Variants in TFR2 observed in about 807,000 individuals in gnomAD.
TFR2 encodes the protein transferrin receptor protein 2.
Under a neutral mutation model 91.9 loss-of-function variants are expected in TFR2, and 64 were observed. The observed-to-expected ratio is 0.70, with a 90% CI of 0.57 to 0.86. The LOEUF is 0.86. Among genes scored for constraint, TFR2 ranks in the 40% least tolerant of loss-of-function variants. The pLI, the probability that TFR2 is intolerant of heterozygous loss-of-function variation, is 0.00. For missense variants in TFR2, 950 were observed against 1,080.5 expected, an observed-to-expected ratio of 0.88 and a Z score of 1.69; for synonymous variants, 454 against 459.6, an observed-to-expected ratio of 0.99 and a Z score of 0.15.
At chr7:100,637,036 TAGG>T (rs1349725490) in intron 3 of TFR2, among the ~76,000 whole-genome samples, 3 of 151,844 alleles carry the variant, frequency 2.0e-5, no homozygotes. Context: ...GAGGCCAAGG[TAGG>T]AGGATTGCTT....
chr7:100,632,557 T>G (rs561709182), intron 6 of TFR2, among the ~76,000 whole-genome samples: 1 of 145,282 alleles, frequency 6.9e-6, no homozygotes, highest in Admixed American at 6.8e-5. Flanking sequence ...CTCTCTTTTT[T>G]TTTTTTTTCT....
chr7:100,632,037 G>T, intron 7 of TFR2, 45 bp downstream of exon 7: 1 of 1,613,990 alleles, frequency 6.2e-7, no homozygotes, highest in Non-Finnish European at 8.5e-7. Context: ...AAGAAGGTGT[G>T]GCCTCGGGAC....
chr7:100,627,115 G>A, intron 16 of TFR2, 149 bp downstream of exon 16: 2 of 1,217,444 alleles, frequency 1.6e-6, no homozygotes, highest in Non-Finnish European at 2.3e-6. Context: ...CACATGCTGG[G>A]GGCTGGGAGA....
intron 17 of TFR2, among the ~76,000 whole-genome samples, chr7:100,623,035 G>A (rs1339994523): frequency 6.6e-6 from 1 of 151,974 alleles, no homozygotes. Context: ...AGCACTTTGG[G>A]AGGCCAAGGT....
intron 8 of TFR2, 183 bp downstream of exon 8, chr7:100,631,623 C>CA (rs368447138): frequency 0.14 from 80,856 of 580,250 alleles, 316 homozygotes; most frequent in Middle Eastern, 0.18. Flanking sequence ...GACTCCATCT[C>CA]AAAAAAAAAA....
At chr7:100,628,190 A>G in intron 11 of TFR2, 34 bp downstream of exon 11, 3 of 1,203,454 alleles carry the variant, frequency 2.5e-6, no homozygotes, top group Middle Eastern at 4.1e-4. Context: ...ACCTCTCCCC[A>G]ATGCCTAACG....
At position 100,629,307 on chromosome 7, in the gene TFR2, C is replaced by T. The variant is rs761420974; in HGVS notation, c.1336G>A (p.Gly446Arg). Residue 446 changes from glycine to arginine, a missense_variant, in exon 10 of 18, where the codon GGG (glycine) becomes AGG (arginine). Physicochemically the swap from Gly to Arg is moderately radical, Grantham distance 125 (BLOSUM62 -2). Transcript: ENST00000223051. ...WGPGAAKSAV[G>R]TAILLELVRT... The stretch of plus-strand genomic sequence containing the variant: ...ACCAGCTCCAGGAGTATAGCCGTCC[C>T]CACAGCGGATTTAGCTGCTCCTGGG... 1.9e-6 allele frequency: 3 copies of T among 1,614,042 alleles called. No individual in the cohort carries two copies.
At chr7:100,634,573 G>C (rs890978707) in intron 3 of TFR2, among the ~76,000 whole-genome samples, 1 of 152,190 alleles carries the variant, frequency 6.6e-6, no homozygotes, top group East Asian at 1.9e-4. Context: ...CACATCAAAA[G>C]CGTGAGATAA....
In TFR2 at chr7:100,632,999, A is replaced by G. The variant is rs2131320006; in HGVS notation, c.849+2T>C. On this transcript the variant is annotated splice_donor_variant, in intron 6 of 17. Transcript: ENST00000223051. LOFTEE classifies it high-confidence loss of function. ...GCCCTCCCTCTGTCCAGGGACACTT[A>G]CCTTCTGGGCGAAGCTGATCACCCC... is the stretch of plus-strand genomic sequence containing the variant. The G allele has an allele frequency of 6.2e-7, 1 of 1,613,240 alleles. No individual in the cohort carries two copies. Among genetic ancestry groups the G allele is most frequent in the Non-Finnish European group, 8.5e-7 (1 of 1,179,870 alleles).
At position 100,620,997 on chromosome 7, in the gene TFR2, A is replaced by T; in HGVS notation, c.2266T>A (p.Ser756Thr). ...GAGGAGGTGGCCCCGGGGGTCCCGG[A>T]GCTGTTGGAGCGCAGCAGCCGCAGG... is the stretch of plus-strand genomic sequence containing the variant. ...DHLRLLRSNS[S>T]GTPGATSSTG... The change falls in exon 18 of 18, where the codon TCC (serine) becomes ACC (threonine). Residue 756 changes from serine to threonine, a missense_variant. Ser to Thr is a moderately conservative substitution (Grantham distance 58). Coordinates refer to ENST00000223051, the MANE Select transcript of TFR2 (RefSeq NM_003227.4). The T allele has an allele frequency of 6.2e-7, 1 of 1,608,404 alleles. No homozygotes were observed. The highest frequency in any genetic ancestry group is 8.5e-7 in the Non-Finnish European group (1 of 1,177,738).
Position 100,633,544 on chromosome 7 carries a change from A to G in TFR2, c.486T>C (p.Leu162=), listed in dbSNP as rs1167945529. 2 of 1,604,534 alleles carry G rather than the reference A, an allele frequency of 1.2e-6. No homozygotes were observed. The highest frequency in any genetic ancestry group is 1.7e-6 in the Non-Finnish European group (2 of 1,179,498). The change falls in exon 4 of 18, where the codon CTT becomes CTC. Residue 162 remains leucine (L), a synonymous_variant. Coordinates refer to ENST00000223051, the MANE Select transcript of TFR2 (RefSeq NM_003227.4). ...RLEDTIRQTS[L]RERVAGSAGM... ...CGGCCGAGCCTGCCACCCGTTCCCG[A>G]AGGCTGGTTTGCCTAAGCGGGGAGA...
rs371347559 is a variant in TFR2 at position 100,627,976 on chromosome 7, T to C, written c.1538-2A>G. 6.2e-7 allele frequency: 1 copy of C among 1,613,840 alleles called. No homozygotes were observed. Among genetic ancestry groups the C allele is most frequent in the Non-Finnish European group, 8.5e-7 (1 of 1,179,866 alleles). ...TCTTGGCATGAAACTTGTCATCCCC[T>C]GGAAAAAGGGGAGGGGAGGGATGCC... On this transcript the variant is annotated splice_acceptor_variant, in intron 12 of 17. Coordinates refer to ENST00000223051, the MANE Select transcript of TFR2 (RefSeq NM_003227.4). LOFTEE classifies it high-confidence loss of function.
rs1188426077 is a variant in TFR2, at chr7:100,626,815, G to T, written c.2084C>A (p.Ser695Ter). ...TGTCAGTCGCTCGTCTCTCTCCTCCGAGCTGTAGATCTCCTGCCGCAGCTT... is the reference window on the plus strand; with the variant it reads ...TGTCAGTCGCTCGTCTCTCTCCTCCTAGCTGTAGATCTCCTGCCGCAGCTT... ...AEKLRQEIYS[S>*]EERDERLTRM... The change falls in exon 17 of 18, where the codon TCG becomes TAG. Residue 695 changes from serine to a stop codon, truncating the protein, a stop_gained. Transcript: ENST00000223051. LOFTEE classifies it high-confidence loss of function. The T allele has an allele frequency of 6.5e-7, 1 of 1,549,300 alleles. No homozygotes were observed. The highest frequency in any genetic ancestry group is 8.7e-7 in the Non-Finnish European group (1 of 1,146,936).
chr7:100,626,047 C>T (rs1803241625), intron 17 of TFR2, among the ~76,000 whole-genome samples: 1 of 152,166 alleles, frequency 6.6e-6, no homozygotes, highest in African/African-American at 2.4e-5. Flanking sequence ...CAGCTCACCC[C>T]ACACTCATTG....
intron 9 of TFR2, among the ~76,000 whole-genome samples, chr7:100,629,995 C>T (rs1444135272): frequency 2.0e-5 from 3 of 152,174 alleles, no homozygotes; most frequent in African/African-American, 7.2e-5. Context: ...CCGCCCACCT[C>T]GGCCTTCCAA....
chr7:100,641,039 C>A lies in TFR2; in HGVS notation c.223G>T (p.Ala75Ser), dbSNP rs759349768. Residue 75 changes from alanine (A) to serine (S), a missense_variant, in exon 2 of 18, where the codon GCG becomes TCG. Coordinates refer to ENST00000223051, the MANE Select transcript of TFR2 (RefSeq NM_003227.4). ...GGGGCAGCCCTCCGTCCTGCTGCCG[C>A]CCAGGGAATGAGGTTTGGCTGCCTG... Reference protein sequence around the residue: ...RPRQPNLIPWAAAGRRAAPYL... With the variant: ...RPRQPNLIPWSAAGRRAAPYL... The A allele has an allele frequency of 3.1e-5, 49 of 1,602,126 alleles. No individual in the cohort carries two copies. The highest frequency in any genetic ancestry group is 4.2e-5 in the Non-Finnish European group (49 of 1,173,280).
rs80338891 is a variant in TFR2 at position 100,620,889 on chromosome 7, C to T, written c.2374G>A (p.Gly792Arg). Residue 792 changes from glycine to arginine, a missense_variant, in exon 18 of 18, where the codon GGG becomes AGG. Gly to Arg is a moderately radical substitution (Grantham distance 125). Coordinates refer to ENST00000223051, the MANE Select transcript of TFR2 (RefSeq NM_003227.4). The part of the protein sequence containing the change: ...TLQGAANALS[G>R]DVWNIDNNF ...TTGTTATCAATGTTCCAGACATCCCCGCTAAGCGCATTGGCTGCCCCTTGC... is the reference window on the plus strand; with the variant it reads ...TTGTTATCAATGTTCCAGACATCCCTGCTAAGCGCATTGGCTGCCCCTTGC... 135 of 1,613,954 alleles carry T rather than the reference C, an allele frequency of 8.4e-5. No homozygotes were observed. The highest frequency in any genetic ancestry group is 1.0e-4 in the Non-Finnish European group (118 of 1,179,910).
rs1357813557 is a variant in TFR2, at chr7:100,627,736, C to T, written c.1682+8G>A. On this transcript the variant is annotated splice_region_variant and intron_variant, in intron 14 of 17. Coordinates refer to ENST00000223051, the MANE Select transcript of TFR2 (RefSeq NM_003227.4). Reference sequence around the variant, plus strand: ...CCCTCCCCAGCTCTCCCTACCCCCCCAACTTACACCTCAGCATCCCAGCTG... The same window carrying T: ...CCCTCCCCAGCTCTCCCTACCCCCCTAACTTACACCTCAGCATCCCAGCTG... 2.5e-6 allele frequency: 4 copies of T among 1,613,996 alleles called. No individual in the cohort carries two copies. The highest frequency in any genetic ancestry group is 3.4e-6 in the Non-Finnish European group (4 of 1,179,962).
At chr7:100,622,979 CAA>C (rs1803148152) in intron 17 of TFR2, among the ~76,000 whole-genome samples, 2 of 143,130 alleles carry the variant, frequency 1.4e-5, no homozygotes, top group Non-Finnish European at 3.1e-5. Context: ...ACCAAACAAA[CAA>C]ACAAACAAAC....
Sources: allele counts gnomAD v4.1 joint callset (sites outside exome capture counted in the v4.1 genomes callset), GRCh38; gene constraint gnomAD v4.1.1; transcripts MANE v1.5; gene names NCBI Gene and HGNC (gene_info 2026-07-23, HGNC 2026-07-21).